Variants in WDR27 observed in about 807,000 individuals in gnomAD.
The protein encoded by WDR27 is WD repeat domain 27.
A neutral mutation model predicts 114.4 loss-of-function variants in WDR27; 100 were observed. The ratio of observed to expected loss-of-function variants is 0.87; its 90% CI spans 0.74 to 1.03. The LOEUF (loss-of-function observed/expected upper bound fraction) is 1.03, where lower values mean the gene tolerates loss of function less well. Among genes scored for constraint, WDR27 ranks in the 50% least tolerant of loss-of-function variants. WDR27 has a pLI of 0.00. For missense variants in WDR27, 1,129 were observed against 1,092.9 expected (o/e 1.03, Z -0.47); for synonymous variants, 449 against 423.1 (o/e 1.06, Z -0.75).
Position 169,675,744 on chromosome 6 carries a change from T to C in WDR27, c.190-3348A>G, listed in dbSNP as rs115021510. ...GGAATATTCAGGTTAAGATAAAGGA[T>C]TGTGGATACCATGTTTTATTGTGCA... On this transcript the variant is annotated intron_variant, in intron 2 of 25. Transcript: ENST00000448612. 9.0e-3 allele frequency among the ~76,000 whole-genome samples: 1,374 copies of C among 152,268 alleles called. 17 individuals are homozygous for C. Among genetic ancestry groups the C allele is most frequent in the African/African-American group, 0.031 (1,287 of 41,556 alleles).
chr6:169,494,350 T>C (rs1790140615), intron 25 of WDR27, among the ~76,000 whole-genome samples: 2 of 152,160 alleles, frequency 1.3e-5, no homozygotes, highest in Non-Finnish European at 2.9e-5. Context: ...GGTGTTTTTC[T>C]TCCTTTGTAC....
intron 25 of WDR27, among the ~76,000 whole-genome samples, chr6:169,505,089 A>G (rs1375992234): frequency 6.6e-6 from 1 of 152,212 alleles, no homozygotes; most frequent in Non-Finnish European, 1.5e-5. Context: ...TTAATAAGTG[A>G]TATGCAGTAT....
chr6:169,664,592 A>G, intron 7 of WDR27: 1 of 1,241,742 alleles, frequency 8.1e-7, no homozygotes, highest in Non-Finnish European at 1.0e-6. Context: ...CTCTCTGCAC[A>G]CACCCCACAG....
chr6:169,453,276 TGTG>T (rs1784229619), downstream of WDR27, among the ~76,000 whole-genome samples: 1 of 152,186 alleles, frequency 6.6e-6, no homozygotes, highest in Non-Finnish European at 1.5e-5. Flanking sequence ...AGAGCATACA[TGTG>T]GAGACAATTA....
At chr6:169,662,488 T>C (rs1238000403) in intron 8 of WDR27, 64 bp from the exon 9 acceptor site, 1 of 1,583,740 alleles carries the variant, frequency 6.3e-7, no homozygotes, top group Non-Finnish European at 8.6e-7. Context: ...GTTTAAAGGC[T>C]GAGGACTGCC....
chr6:169,454,162 GAGA>G (rs1189809041), downstream of WDR27, among the ~76,000 whole-genome samples: 1 of 152,102 alleles, frequency 6.6e-6, no homozygotes. Flanking sequence ...AGAAATAAAA[GAGA>G]GGAGGCAGGA....
chr6:169,654,675 T>G (rs536409729), intron 13 of WDR27, among the ~76,000 whole-genome samples: 1 of 151,816 alleles, frequency 6.6e-6, no homozygotes, highest in African/African-American at 2.4e-5. Flanking sequence ...AGCACACGCC[T>G]AAGTGAGAAG....
At chr6:169,681,756 C>A (rs1327508850) in intron 2 of WDR27, among the ~76,000 whole-genome samples, 1 of 152,224 alleles carries the variant, frequency 6.6e-6, no homozygotes, top group Non-Finnish European at 1.5e-5. Context: ...TTGCCCGTAT[C>A]TTGCAACCTG....
At chr6:169,633,797 T>C (rs1343692696) in intron 20 of WDR27, among the ~76,000 whole-genome samples, 3 of 152,232 alleles carry the variant, frequency 2.0e-5, no homozygotes, top group African/African-American at 7.2e-5. Flanking sequence ...TTCTTATTTC[T>C]GCTAGGTATT....
At chr6:169,487,548 A>G (rs1253898691) in intron 25 of WDR27, among the ~76,000 whole-genome samples, 1 of 152,188 alleles carries the variant, frequency 6.6e-6, no homozygotes, top group African/African-American at 2.4e-5. Context: ...CTCATGCTTG[A>G]GGTTACAGTG....
chr6:169,613,455 GC>G (rs1400179729), intron 22 of WDR27, 103 bp downstream of exon 22: 2 of 931,438 alleles, frequency 2.1e-6, no homozygotes, highest in Admixed American at 2.3e-5. Flanking sequence ...TAGTCAGTGT[GC>G]ACAGATTAAC....
In WDR27 at chr6:169,480,510, C is replaced by T. The variant is rs548771301; in HGVS notation, c.2646-22876G>A. 4.6e-5 allele frequency among the ~76,000 whole-genome samples: 7 copies of T among 152,324 alleles called. No individual in the cohort carries two copies. In the South Asian group the frequency reaches 8.3e-4, roughly 18 times the overall value. ...GGCGAAGCCAGCTGGGCTCCTGAGT[C>T]GGGTGGGGTCTTGGAGAACTTTTAT... On this transcript the variant is annotated intron_variant, in intron 25 of 25. Coordinates refer to ENST00000448612, the MANE Select transcript of WDR27 (RefSeq NM_182552.5).
At chr6:169,506,824 G>C (rs940687750) in intron 25 of WDR27, among the ~76,000 whole-genome samples, 12 of 152,162 alleles carry the variant, frequency 7.9e-5, no homozygotes, top group African/African-American at 2.7e-4. Flanking sequence ...CATGTGGCTT[G>C]GTTGTTGGAC....
chr6:169,682,945 C>T (rs1296333119), intron 2 of WDR27, among the ~76,000 whole-genome samples: 2 of 152,040 alleles, frequency 1.3e-5, no homozygotes, highest in African/African-American at 4.8e-5. Context: ...TAGATAGCAT[C>T]AACCACAGAA....
At chr6:169,516,833 A>C (rs1256860360) in intron 25 of WDR27, among the ~76,000 whole-genome samples, 1 of 148,900 alleles carries the variant, frequency 6.7e-6, no homozygotes, top group Non-Finnish European at 1.5e-5. Flanking sequence ...ACACACACAC[A>C]CACCCCTCCC....
the WDR27 span, among the ~76,000 whole-genome samples, chr6:169,448,392 ATGTGTGTGTGTGTG>A: frequency 3.0e-5 from 4 of 131,968 alleles, no homozygotes; most frequent in Non-Finnish European, 6.3e-5. Context: ...CTCTGTCTCT[ATGTGTGTGTGTGTG>A]TGTGTGTGTG....
At chr6:169,531,971 G>A (rs1381441235) in intron 25 of WDR27, among the ~76,000 whole-genome samples, 1 of 152,060 alleles carries the variant, frequency 6.6e-6, no homozygotes, top group Non-Finnish European at 1.5e-5. Context: ...TCTTTACAGT[G>A]GCAAAGGCAG....
At chr6:169,643,866 A>T in intron 16 of WDR27, 80 bp from the exon 17 acceptor site, 1 of 1,132,996 alleles carries the variant, frequency 8.8e-7, no homozygotes, top group Non-Finnish European at 1.3e-6. Context: ...CCTAGTTCAC[A>T]GGAGTCACAC....
At chr6:169,453,688 C>T (rs1230635723), downstream of WDR27, among the ~76,000 whole-genome samples, 4 of 152,126 alleles carry the variant, frequency 2.6e-5, no homozygotes, top group Non-Finnish European at 5.9e-5. Flanking sequence ...AATCTTTGGC[C>T]TCTTATGTGA....
Sources: allele counts gnomAD v4.1 joint callset (sites outside exome capture counted in the v4.1 genomes callset), GRCh38; gene constraint gnomAD v4.1.1; transcripts MANE v1.5; gene names NCBI Gene and HGNC (gene_info 2026-07-23, HGNC 2026-07-21).